The following RALGPS1 variants were observed in gnomAD, a reference collection of about 807,000 sequenced individuals.
The protein encoded by RALGPS1 is ras-specific guanine nucleotide-releasing factor RalGPS1.
RALGPS1 carries 19 observed loss-of-function variants against 78.8 expected under a neutral mutation model. That is an observed-to-expected ratio of 0.24 (90% CI 0.17 to 0.35). RALGPS1 has a LOEUF of 0.35. RALGPS1 is among the 10% of genes least tolerant of loss of function. RALGPS1 has a pLI of 1.00. For synonymous variants in RALGPS1, 228 were observed against 256.3 expected (o/e 0.89, Z 1.06); for missense variants, 454 against 688.3 (o/e 0.66, Z 3.81).
intron 4 of RALGPS1, 123 bp from the exon 5 acceptor site, chr9:127,034,308 T>C: frequency 1.2e-6 from 1 of 815,198 alleles, no homozygotes; most frequent in South Asian, 1.5e-5. Flanking sequence ...CTAGTAAAGA[T>C]GGGAACAGCC....
In RALGPS1 at chr9:126,958,137, A is replaced by AT. The variant is rs1279054351; in HGVS notation, c.-65-4088_-65-4087insT. 6.5e-3 allele frequency among the ~76,000 whole-genome samples: 648 copies of AT among 99,034 alleles called. 6 individuals carry two copies. The highest frequency in any genetic ancestry group is 0.019 in the African/African-American group (621 of 33,402). The allele number at this position is 99,034 out of a possible 152,430, so 65.0% of individuals were successfully genotyped here. On this transcript the variant is annotated intron_variant, in intron 1 of 18. Coordinates refer to ENST00000259351, the MANE Select transcript of RALGPS1 (RefSeq NM_014636.3). ...CAGAGCTGTCTCTTTAAAAAAAAAA[A>AT]AAAAAATATATATATATATATACAC... is the stretch of plus-strand genomic sequence containing the variant.
At chr9:126,954,577 A>G (rs1453932519) in intron 1 of RALGPS1, among the ~76,000 whole-genome samples, 1 of 152,178 alleles carries the variant, frequency 6.6e-6, no homozygotes, top group African/African-American at 2.4e-5. Flanking sequence ...ACTTGAGGTC[A>G]GGAGATCAAC....
intron 8 of RALGPS1, among the ~76,000 whole-genome samples, chr9:127,096,503 C>T (rs968929337): frequency 9.2e-5 from 14 of 152,168 alleles, no homozygotes; most frequent in East Asian, 1.9e-4. Context: ...TTGAAGGAGG[C>T]GCCACGTAGG....
intron 1 of RALGPS1, among the ~76,000 whole-genome samples, chr9:126,937,645 T>C (rs538230991): frequency 6.6e-6 from 1 of 152,322 alleles, no homozygotes; most frequent in East Asian, 1.9e-4. Context: ...GTGTGGTTGC[T>C]TGAGCTCCAG....
At chr9:126,953,985 C>T (rs562668119) in intron 1 of RALGPS1, among the ~76,000 whole-genome samples, 2 of 152,188 alleles carry the variant, frequency 1.3e-5, no homozygotes, top group South Asian at 2.1e-4. Flanking sequence ...CCACCTGTCC[C>T]TTTGTTCCCC....
intron 1 of RALGPS1, among the ~76,000 whole-genome samples, chr9:126,935,344 G>A (rs768973967): frequency 6.6e-6 from 1 of 152,154 alleles, no homozygotes; most frequent in Non-Finnish European, 1.5e-5. Context: ...CCCAGCATCC[G>A]TCCCCTTTGT....
intron 8 of RALGPS1, among the ~76,000 whole-genome samples, chr9:127,131,255 G>A (rs1397311986): frequency 1.3e-5 from 2 of 152,192 alleles, no homozygotes; most frequent in Admixed American, 6.5e-5. Flanking sequence ...GCTGACAAGA[G>A]TTATTTGTAA....
chr9:126,918,765 C>T (rs899267139), intron 1 of RALGPS1, among the ~76,000 whole-genome samples: 2 of 151,702 alleles, frequency 1.3e-5, no homozygotes, highest in Non-Finnish European at 2.9e-5. Context: ...CTCCGCCTCC[C>T]GGGTTCAAGC....
chr9:127,132,785 G>T (rs2138276151), intron 8 of RALGPS1, among the ~76,000 whole-genome samples: 1 of 152,308 alleles, frequency 6.6e-6, no homozygotes, highest in East Asian at 1.9e-4. Flanking sequence ...GTTGCCATGA[G>T]AATTAAATGA....
intron 8 of RALGPS1, among the ~76,000 whole-genome samples, chr9:127,115,033 A>G (rs2055250720): frequency 6.6e-6 from 1 of 152,224 alleles, no homozygotes. Context: ...CCAGCTGATC[A>G]GGTGACCAGT....
At chr9:127,035,701 GCACCA>G (rs775462575) in intron 5 of RALGPS1, among the ~76,000 whole-genome samples, 14 of 152,090 alleles carry the variant, frequency 9.2e-5, no homozygotes, top group Non-Finnish European at 1.5e-4. Flanking sequence ...CCTCAGAAAG[GCACCA>G]GCTTGTAGTT....
chr9:127,049,894 T>A (rs749964120), intron 5 of RALGPS1, 149 bp from the exon 6 acceptor site: 12 of 647,064 alleles, frequency 1.9e-5, no homozygotes, highest in Non-Finnish European at 2.8e-5. Context: ...AGGAACTCTT[T>A]AACTCATGTG....
chr9:127,023,164 C>T (rs1255124396), intron 4 of RALGPS1, among the ~76,000 whole-genome samples: 1 of 152,120 alleles, frequency 6.6e-6, no homozygotes, highest in Non-Finnish European at 1.5e-5. Flanking sequence ...CTAAAGATAC[C>T]TCAGTCCACT....
At chr9:126,946,087 C>T (rs1208468193) in intron 1 of RALGPS1, among the ~76,000 whole-genome samples, 1 of 152,126 alleles carries the variant, frequency 6.6e-6, no homozygotes, top group Non-Finnish European at 1.5e-5. Context: ...GTTTTGGTGG[C>T]TTGGATCAAG....
At chr9:126,956,377 G>A (rs895382881) in intron 1 of RALGPS1, among the ~76,000 whole-genome samples, 14 of 152,180 alleles carry the variant, frequency 9.2e-5, no homozygotes, top group African/African-American at 3.1e-4. Flanking sequence ...AGGACAGTCC[G>A]TTGTACTTGA....
intron 4 of RALGPS1, among the ~76,000 whole-genome samples, chr9:126,989,106 C>G (rs1268497773): frequency 1.3e-5 from 2 of 152,110 alleles, no homozygotes; most frequent in Non-Finnish European, 2.9e-5. Context: ...TCATCATCAT[C>G]ATCGCTGAAG....
At position 127,074,360 on chromosome 9, in the gene RALGPS1, T is replaced by C. The variant is rs1054293171; in HGVS notation, c.610+5004T>C. On this transcript the variant is annotated intron_variant, in intron 8 of 18. Transcript: ENST00000259351. ...TCTTTTTTTCATGCTTTTGCATCTT[T>C]CCTTGTTTTCTTCTTTGGCTTACCA... Among the ~76,000 whole-genome samples the C allele has an allele frequency of 2.0e-5, 3 of 152,352 alleles. No individual in the cohort carries two copies. In the East Asian group the frequency reaches 5.8e-4, roughly 29 times the overall value.
chr9:127,018,005 T>A (rs1186754562), intron 4 of RALGPS1, among the ~76,000 whole-genome samples: 2 of 151,882 alleles, frequency 1.3e-5, no homozygotes, highest in African/African-American at 4.8e-5. Flanking sequence ...TCACCTGAGG[T>A]CAGGAGTTTG....
At chr9:127,147,308 A>C (rs1039011478) in intron 8 of RALGPS1, among the ~76,000 whole-genome samples, 1 of 152,192 alleles carries the variant, frequency 6.6e-6, no homozygotes, top group Admixed American at 6.5e-5. Context: ...TGTGAATATC[A>C]TCACCCATTA....
Sources: gnomAD v4.1 joint callset for allele counts (sites outside exome capture counted in the v4.1 genomes callset) on GRCh38, gnomAD v4.1.1 for gene constraint, MANE v1.5 for transcripts, NCBI Gene and HGNC (gene_info 2026-07-23, HGNC 2026-07-21) for gene names.